Variants in SUPT6H observed in about 807,000 individuals in gnomAD.
SUPT6H encodes the protein transcription elongation factor SPT6.
In SUPT6H, 11 loss-of-function variants were observed where a neutral mutation model predicts 222.3. That is an observed-to-expected ratio of 0.05 (90% CI 0.03 to 0.08). The LOEUF (loss-of-function observed/expected upper bound fraction) is 0.08. Ranked by LOEUF, SUPT6H falls within the 10% of genes least tolerant of loss-of-function variation. SUPT6H has a pLI of 1.00. For synonymous variants in SUPT6H, 762 were observed against 801.2 expected (o/e 0.95, Z 0.83); for missense variants, 1,422 against 2,216.0 (o/e 0.64, Z 7.19).
Position 28,683,357 on chromosome 17 carries a change from A to G in SUPT6H, c.1968A>G (p.Ile656Met), listed in dbSNP as rs745760776. 6.8e-6 allele frequency: 11 copies of G among 1,614,072 alleles called. No individual in the cohort carries two copies. Among genetic ancestry groups the G allele is most frequent in the Admixed American group, 1.7e-5 (1 of 59,998 alleles). Residue 656 changes from isoleucine (I) to methionine (M), a missense_variant, in exon 16 of 37, where the codon ATA becomes ATG. By Grantham distance (10) the Ile-to-Met change is conservative. Coordinates refer to ENST00000314616, the MANE Select transcript of SUPT6H (RefSeq NM_003170.5). ...KELRDDQFLK[I>M]CLAEDEGLLT... ...TGAGAGATGACCAGTTTCTCAAGAT[A>G]TGCCTGGCTGAAGACGAAGGGCTCC...
Position 28,690,810 on chromosome 17 carries a change from C to T in SUPT6H, c.3491-111C>T, listed in dbSNP as rs1327660366. The T allele has an allele frequency of 3.2e-6, 4 of 1,244,190 alleles. No homozygotes were observed. The Admixed American group carries it at 6.9e-5, about 21-fold the overall frequency. The allele number at this position is 1,244,190 out of a possible 1,614,324, so 77.1% of individuals were successfully genotyped here. ...AATAAATAAAAATCGGGAAGAGTTC[C>T]CTCTTCAAGGATGGGAAGGAAGTCA... On this transcript the variant is annotated intron_variant, in intron 26 of 36. Coordinates refer to ENST00000314616, the MANE Select transcript of SUPT6H (RefSeq NM_003170.5).
At chr17:28,683,891 A>G in intron 17 of SUPT6H, 75 bp downstream of exon 17, 2 of 1,387,682 alleles carry the variant, frequency 1.4e-6, no homozygotes, top group East Asian at 5.0e-5. Flanking sequence ...GCTGGAGTGC[A>G]GTGGCGCAAT....
At chr17:28,669,712 A>G (rs535462538) in intron 1 of SUPT6H, among the ~76,000 whole-genome samples, 15 of 152,316 alleles carry the variant, frequency 9.8e-5, no homozygotes, top group African/African-American at 3.6e-4. Flanking sequence ...AGGCAGGTGG[A>G]TCACTTGAGG....
At chr17:28,696,313 A>AT (rs1451035222) in intron 29 of SUPT6H, among the ~76,000 whole-genome samples, 1 of 147,398 alleles carries the variant, frequency 6.8e-6, no homozygotes, top group East Asian at 2.0e-4. Flanking sequence ...AAAAAAAAAA[A>AT]TGGCCAGGCG....
intron 4 of SUPT6H, 57 bp from the exon 5 acceptor site, chr17:28,674,913 T>C: frequency 1.3e-6 from 2 of 1,565,682 alleles, no homozygotes; most frequent in Admixed American, 3.6e-5. Flanking sequence ...ACTGGAGATT[T>C]GGTATCCGTA....
Position 28,693,842 on chromosome 17 carries a change from G to C in SUPT6H, c.3774+6G>C, listed in dbSNP as rs2031784581. Reference sequence around the variant, plus strand: ...GGCCAGAAGAACGAGTGAAGGTAGAGGACTGATTGTCCTAAGGTCGTAGTG... The same window carrying C: ...GGCCAGAAGAACGAGTGAAGGTAGACGACTGATTGTCCTAAGGTCGTAGTG... On this transcript the variant is annotated splice_donor_region_variant and intron_variant, in intron 28 of 36. Transcript: ENST00000314616. 6.2e-7 allele frequency: 1 copy of C among 1,614,050 alleles called. No individual in the cohort carries two copies.
intron 26 of SUPT6H, among the ~76,000 whole-genome samples, chr17:28,690,441 C>T (rs1318317103): frequency 2.0e-5 from 3 of 152,150 alleles, no homozygotes; most frequent in Admixed American, 1.3e-4. Context: ...AATCTTCATG[C>T]AGTTAGTCTT....
At position 28,700,954 on chromosome 17, in the gene SUPT6H, C is replaced by T; in HGVS notation, c.4820C>T (p.Pro1607Leu). 1 of 1,612,096 alleles carries T rather than the reference C, an allele frequency of 6.2e-7. No homozygotes were observed. The highest frequency in any genetic ancestry group is 8.5e-7 in the Non-Finnish European group (1 of 1,178,452). The change falls in exon 36 of 37, where the codon CCA (proline) becomes CTA (leucine). Residue 1607 changes from proline to leucine, a missense_variant. Around this residue, in one of 13 missense-constraint regions of SUPT6H, gnomAD observed 395 missense variants for 580.6 expected, o/e 0.68. Coordinates refer to ENST00000314616, the MANE Select transcript of SUPT6H (RefSeq NM_003170.5). Reference protein sequence around the residue: ...GSSAYHVFPTPAQQPVATPLM... With the variant: ...GSSAYHVFPTLAQQPVATPLM... ...ATGCCTCTCCAGGTATTCCCAACGC[C>T]AGCCCAGCAGCCAGTGGCCACACCA...
intron 19 of SUPT6H, 93 bp from the exon 20 acceptor site, chr17:28,686,246 C>A: frequency 8.7e-7 from 1 of 1,143,996 alleles, no homozygotes; most frequent in East Asian, 2.4e-5. Flanking sequence ...TGAAGACTTC[C>A]AGTTCTTACA....
At chr17:28,668,365 G>A (rs1378764450) in intron 1 of SUPT6H, among the ~76,000 whole-genome samples, 3 of 152,162 alleles carry the variant, frequency 2.0e-5, no homozygotes, top group Non-Finnish European at 4.4e-5. Flanking sequence ...GTTCCCGCTT[G>A]TCAGTCTCAG....
intron 1 of SUPT6H, among the ~76,000 whole-genome samples, chr17:28,665,221 A>G (rs2151596216): frequency 6.6e-6 from 1 of 152,076 alleles, no homozygotes; most frequent in South Asian, 2.1e-4. Context: ...ATTATATACC[A>G]TGTTCTTGCC....
At chr17:28,689,055 A>G (rs1567699304) in intron 24 of SUPT6H, 1 of 308,960 alleles carries the variant, frequency 3.2e-6, no homozygotes, top group Non-Finnish European at 6.0e-6. Context: ...AATTTTATGT[A>G]TACTACAGTT....
intron 1 of SUPT6H, among the ~76,000 whole-genome samples, chr17:28,665,764 A>G (rs181998247): frequency 2.0e-5 from 3 of 152,200 alleles, no homozygotes; most frequent in Admixed American, 6.5e-5. Context: ...ACTCTGTCTC[A>G]AAAAAACGTA....
At chr17:28,671,589 A>G (rs1379178078) in intron 1 of SUPT6H, among the ~76,000 whole-genome samples, 3 of 151,998 alleles carry the variant, frequency 2.0e-5, no homozygotes, top group Non-Finnish European at 2.9e-5. Flanking sequence ...TTTAAGTCCT[A>G]CTCAAGGCCC....
intron 1 of SUPT6H, among the ~76,000 whole-genome samples, chr17:28,666,159 C>T (rs2029997186): frequency 6.6e-6 from 1 of 152,232 alleles, no homozygotes. Context: ...ACTAATTCCT[C>T]CTTACTCTTA....
chr17:28,695,166 G>A lies in SUPT6H; in HGVS notation c.3775-186G>A. The A allele has an allele frequency of 4.9e-6, 3 of 608,526 alleles. No individual in the cohort carries two copies. The South Asian group carries it at 6.0e-5, about 12-fold the overall frequency. The allele number at this position is 608,526 out of a possible 1,614,324, so 37.7% of individuals were successfully genotyped here. ...AGTGGAGGCATTAGTGCAGGGCTTG[G>A]CCTGTAGTCTACAGACAAGATTCCA... On this transcript the variant is annotated intron_variant, in intron 28 of 36. Coordinates refer to ENST00000314616, the MANE Select transcript of SUPT6H (RefSeq NM_003170.5).
intron 1 of SUPT6H, chr17:28,671,072 A>G (rs184540191): frequency 1.4e-4 from 22 of 152,144 alleles, no homozygotes; most frequent in African/African-American, 5.1e-4. Flanking sequence ...GTTAATCTCA[A>G]GTTCATTGGT....
intron 1 of SUPT6H, among the ~76,000 whole-genome samples, chr17:28,667,497 ATG>A (rs1203502930): frequency 2.9e-5 from 4 of 136,120 alleles, no homozygotes; most frequent in African/African-American, 1.1e-4. Flanking sequence ...ATATATGTAT[ATG>A]TGTATATATA....
chr17:28,680,498 G>A (rs2031040120), intron 11 of SUPT6H, among the ~76,000 whole-genome samples: 1 of 151,876 alleles, frequency 6.6e-6, no homozygotes, highest in African/African-American at 2.4e-5. Context: ...GCGAGGCTGA[G>A]GCAGGAGAAT....
Sources: allele counts gnomAD v4.1 joint callset (sites outside exome capture counted in the v4.1 genomes callset), GRCh38; gene constraint gnomAD v4.1.1; regional missense constraint gnomAD v4.1.1; transcripts MANE v1.5; gene names NCBI Gene and HGNC (gene_info 2026-07-23, HGNC 2026-07-21).